LRRFIP1: variants seen among roughly 807,000 people sequenced by gnomAD.
LRRFIP1 encodes leucine-rich repeat flightless-interacting protein 1.
LRRFIP1 carries 62 observed loss-of-function variants against 104.4 expected under a neutral mutation model. That is an observed-to-expected ratio of 0.59 (90% confidence interval 0.48 to 0.73). The LOEUF (loss-of-function observed/expected upper bound fraction) is 0.73. LRRFIP1 is among the 30% of genes least tolerant of loss of function. LRRFIP1 has a pLI of 0.00. For synonymous variants in LRRFIP1, 300 were observed against 299.0 expected (o/e 1.00, Z -0.03); for missense variants, 796 against 824.5 (o/e 0.97, Z 0.42).
chr2:237,711,725 G>C lies in LRRFIP1; in HGVS notation c.184-2534G>C, dbSNP rs1332775878. Among the ~76,000 whole-genome samples the C allele has an allele frequency of 2.6e-5, 4 of 152,190 alleles. No individual in the cohort carries two copies. On this transcript the variant is annotated intron_variant, in intron 2 of 23. Transcript: ENST00000308482. The surrounding 1 kb of genome is among the most constrained non-coding windows in gnomAD (Gnocchi z 4.4). ...CCTGGGAAGGTGGGGGACATGTCAGGAGGGGCAGAGAAATGAACGTGGCCA... is the reference window on the plus strand; with the variant it reads ...CCTGGGAAGGTGGGGGACATGTCAGCAGGGGCAGAGAAATGAACGTGGCCA...
chr2:237,740,315 T>C (rs1415911215), intron 11 of LRRFIP1, among the ~76,000 whole-genome samples: 48 of 150,628 alleles, frequency 3.2e-4, no homozygotes, highest in Admixed American at 3.2e-3. Flanking sequence ...ACTCAGGAGG[T>C]TGAGGTGGGA....
intron 23 of LRRFIP1, among the ~76,000 whole-genome samples, chr2:237,775,123 G>T (rs1225094001): frequency 6.6e-6 from 1 of 152,266 alleles, no homozygotes; most frequent in African/African-American, 2.4e-5. Context: ...TGCTCTGGAA[G>T]AGGGAGGTCC....
chr2:237,719,786 T>C (rs2094472546), intron 5 of LRRFIP1, among the ~76,000 whole-genome samples: 1 of 151,746 alleles, frequency 6.6e-6, no homozygotes, highest in South Asian at 2.1e-4. Flanking sequence ...ATAAGGAGAG[T>C]GTGTTTGAGA....
chr2:237,652,050 G>A (rs566681334), intron 1 of LRRFIP1, among the ~76,000 whole-genome samples: 7 of 152,310 alleles, frequency 4.6e-5, no homozygotes, highest in South Asian at 4.1e-4. Flanking sequence ...CTCAGTGGTC[G>A]TCCCATGTTT....
chr2:237,772,869 A>T lies in LRRFIP1; in HGVS notation c.1631A>T (p.Asp544Val). 6.2e-7 allele frequency: 1 copy of T among 1,612,192 alleles called. No homozygotes were observed. Among genetic ancestry groups the T allele is most frequent in the Non-Finnish European group, 8.5e-7 (1 of 1,178,244 alleles). Reference sequence around the variant, plus strand: ...TTCCTTCTCTTTCAACCTTTAGGGGATGCCAACAGACAGATCAGCGACCTC... The same window carrying T: ...TTCCTTCTCTTTCAACCTTTAGGGGTTGCCAACAGACAGATCAGCGACCTC... ...TDMHVMDLQRDANRQISDLKF... is the reference protein window; with the variant it reads ...TDMHVMDLQRVANRQISDLKF... Residue 544 changes from aspartate to valine, a missense_variant, in exon 22 of 24, where the codon GAT (aspartate) becomes GTT (valine). Coordinates refer to ENST00000308482, the MANE Select transcript of LRRFIP1 (RefSeq NM_001137550.2).
chr2:237,628,192 G>A (rs577122423), intron 1 of LRRFIP1, among the ~76,000 whole-genome samples: 5 of 152,336 alleles, frequency 3.3e-5, no homozygotes, highest in African/African-American at 1.2e-4. Flanking sequence ...TGAAATGGCC[G>A]AGTCGCTCAG....
chr2:237,763,965 A>G (rs760571126), intron 19 of LRRFIP1: 2 of 1,614,246 alleles, frequency 1.2e-6, no homozygotes, highest in African/African-American at 1.3e-5. Context: ...GAGAGGTGTG[A>G]GATGTCAGAA....
chr2:237,640,389 G>A (rs1196988736), intron 1 of LRRFIP1, among the ~76,000 whole-genome samples: 1 of 152,082 alleles, frequency 6.6e-6, no homozygotes, highest in African/African-American at 2.4e-5. Flanking sequence ...GGAAGTCCAA[G>A]ATCTAGGTGC....
At chr2:237,690,308 G>C (rs181704843) in intron 1 of LRRFIP1, among the ~76,000 whole-genome samples, 2 of 152,244 alleles carry the variant, frequency 1.3e-5, no homozygotes, top group African/African-American at 4.8e-5. Context: ...AGAAGAAGAG[G>C]GCTGTTTTAT....
chr2:237,774,337 G>A, intron 22 of LRRFIP1, 21 bp from the exon 23 acceptor site: 1 of 1,454,136 alleles, frequency 6.9e-7, no homozygotes, highest in Non-Finnish European at 9.6e-7. Context: ...TTATACATAT[G>A]GTTTTTTTTC....
rs554218928 is a variant in LRRFIP1, at chr2:237,661,934, C to T, written c.96+34194C>T. Among the ~76,000 whole-genome samples the T allele has an allele frequency of 1.4e-3, 212 of 152,334 alleles. No individual in the cohort carries two copies. Among genetic ancestry groups the T allele is most frequent in the Non-Finnish European group, 2.6e-3 (176 of 68,030 alleles). On this transcript the variant is annotated intron_variant, in intron 1 of 23. Transcript: ENST00000308482. The surrounding 1 kb of genome is among the most constrained non-coding windows in gnomAD (Gnocchi z 4.4). Reference sequence around the variant, plus strand: ...GAAGACTGAGTCCTCGTGCACCTAGCGTGACCCATGACAGCATGCAGGTGT... The same window carrying T: ...GAAGACTGAGTCCTCGTGCACCTAGTGTGACCCATGACAGCATGCAGGTGT...
chr2:237,661,826 A>G lies in LRRFIP1; in HGVS notation c.96+34086A>G, dbSNP rs2088035662. Among the ~76,000 whole-genome samples, 1 of 152,176 alleles carries G rather than the reference A, an allele frequency of 6.6e-6. No individual in the cohort carries two copies. ...TAGTTCTGTGGCCCAGCTGAGTGGC[A>G]TAGGCTCTCCTGACCCAGGTACCTA... On this transcript the variant is annotated intron_variant, in intron 1 of 23. Coordinates refer to ENST00000308482, the MANE Select transcript of LRRFIP1 (RefSeq NM_001137550.2). This position sits in a 1 kb window ranked among gnomAD's most constrained non-coding sequence, Gnocchi z 4.4.
At position 237,727,843 on chromosome 2, in the gene LRRFIP1, A is replaced by C. The variant is rs1277012101; in HGVS notation, c.385-33A>C. 8 of 1,511,536 alleles carry C rather than the reference A, an allele frequency of 5.3e-6. No individual in the cohort carries two copies. The African/African-American group carries it at 6.9e-5, about 13-fold the overall frequency. The allele number at this position is 1,511,536 out of a possible 1,614,324, so 93.6% of individuals were successfully genotyped here. On this transcript the variant is annotated intron_variant, in intron 7 of 23. Transcript: ENST00000308482. ...TACCTGTGAATTCATTTGTGTACTGATGTCAGTTTTTCTCTTTTCTTCATT... is the reference window on the plus strand; with the variant it reads ...TACCTGTGAATTCATTTGTGTACTGCTGTCAGTTTTTCTCTTTTCTTCATT...
At chr2:237,719,449 A>T in intron 4 of LRRFIP1, 74 bp from the exon 5 acceptor site, 1 of 974,200 alleles carries the variant, frequency 1.0e-6, no homozygotes, top group Non-Finnish European at 1.7e-6. Context: ...CAGTGGGACT[A>T]CCTAAGCTTT....
intron 1 of LRRFIP1, among the ~76,000 whole-genome samples, chr2:237,673,454 C>T (rs1299285605): frequency 2.0e-5 from 3 of 152,242 alleles, no homozygotes; most frequent in African/African-American, 7.2e-5. Context: ...CACCTCTGCA[C>T]TTCCCTCTGG....
chr2:237,675,530 G>A (rs931626719), intron 1 of LRRFIP1, among the ~76,000 whole-genome samples: 12 of 152,154 alleles, frequency 7.9e-5, no homozygotes, highest in African/African-American at 2.7e-4. Context: ...GCAGTTGCCA[G>A]CCTGATTAAT....
At chr2:237,684,921 T>TG (rs1553635942) in intron 1 of LRRFIP1, among the ~76,000 whole-genome samples, 1 of 68,378 alleles carries the variant, frequency 1.5e-5, no homozygotes, top group Non-Finnish European at 3.3e-5. Context: ...ACCCTGTCTC[T>TG]GAAAAAAAAA....
chr2:237,659,423 T>C (rs2087431804), intron 1 of LRRFIP1, among the ~76,000 whole-genome samples: 1 of 151,744 alleles, frequency 6.6e-6, no homozygotes, highest in Admixed American at 6.6e-5. Flanking sequence ...AAAGAACAGT[T>C]TGGGGACAGA....
chr2:237,718,830 C>T (rs2094438048), intron 4 of LRRFIP1, among the ~76,000 whole-genome samples: 1 of 152,194 alleles, frequency 6.6e-6, no homozygotes. Flanking sequence ...TGATTACATT[C>T]AGCCTAGGCA....
Sources: gnomAD v4.1 joint callset for allele counts (sites outside exome capture counted in the v4.1 genomes callset) on GRCh38, gnomAD v4.1.1 for gene constraint, Gnocchi (gnomAD v3.1) non-coding constraint, MANE v1.5 for transcripts, NCBI Gene and HGNC (gene_info 2026-07-23, HGNC 2026-07-21) for gene names.